Variants in GRIK3 observed in about 807,000 individuals in gnomAD.
GRIK3 encodes the protein glutamate receptor ionotropic, kainate 3.
In GRIK3, 29 loss-of-function variants were observed where a neutral mutation model predicts 102.5. The observed-to-expected ratio is 0.28, with a 90% CI of 0.21 to 0.39. The LOEUF (loss-of-function observed/expected upper bound fraction) is 0.39, where lower values mean the gene tolerates loss of function less well. Among genes scored for constraint, GRIK3 ranks in the 10% least tolerant of loss-of-function variants. The pLI is 1.00. For missense variants in GRIK3, 908 were observed against 1,252.4 expected, an observed-to-expected ratio of 0.73 and a Z score of 4.15; for synonymous variants, 511 against 504.9, an observed-to-expected ratio of 1.01 and a Z score of -0.16.
intron 5 of GRIK3, among the ~76,000 whole-genome samples, chr1:36,861,233 T>C (rs1023121519): frequency 6.6e-6 from 1 of 152,252 alleles, no homozygotes; most frequent in Non-Finnish European, 1.5e-5. Flanking sequence ...TATATTTGCA[T>C]AAGACTCATG....
At chr1:37,026,916 C>T (rs952537321) in intron 1 of GRIK3, among the ~76,000 whole-genome samples, 1 of 151,966 alleles carries the variant, frequency 6.6e-6, no homozygotes, top group African/African-American at 2.4e-5. Flanking sequence ...AAAAAAATCC[C>T]ATCTTAGAAT....
At chr1:36,997,141 C>G (rs1336355436) in intron 1 of GRIK3, among the ~76,000 whole-genome samples, 1 of 152,158 alleles carries the variant, frequency 6.6e-6, no homozygotes, top group Non-Finnish European at 1.5e-5. Flanking sequence ...AGCTCCACCT[C>G]CAAGGACTTA....
intron 1 of GRIK3, among the ~76,000 whole-genome samples, chr1:37,033,158 A>G (rs976462250): frequency 7.2e-5 from 11 of 152,206 alleles, no homozygotes; most frequent in Admixed American, 2.6e-4. Context: ...GCCACAACAA[A>G]GTTAAAGACC....
intron 1 of GRIK3, among the ~76,000 whole-genome samples, chr1:36,903,256 AAAC>A (rs1474504467): frequency 2.0e-5 from 3 of 152,232 alleles, no homozygotes; most frequent in African/African-American, 7.2e-5. Flanking sequence ...ATGTAAATTA[AAAC>A]AACAACAAGA....
intron 1 of GRIK3, among the ~76,000 whole-genome samples, chr1:36,911,021 C>T (rs949834621): frequency 6.6e-6 from 1 of 152,168 alleles, no homozygotes; most frequent in Admixed American, 6.5e-5. Context: ...AGCACCTGAC[C>T]TGCTCGGAGC....
chr1:36,936,158 T>C (rs1641655180), intron 1 of GRIK3, among the ~76,000 whole-genome samples: 1 of 152,180 alleles, frequency 6.6e-6, no homozygotes, highest in Non-Finnish European at 1.5e-5. Flanking sequence ...AAAGTGAGCC[T>C]TGATGGGAGG....
intron 10 of GRIK3, among the ~76,000 whole-genome samples, chr1:36,833,246 G>C (rs1165528908): frequency 6.6e-6 from 1 of 152,142 alleles, no homozygotes; most frequent in Non-Finnish European, 1.5e-5. Flanking sequence ...CAGTTCACCT[G>C]ATCCTGTCCC....
intron 1 of GRIK3, among the ~76,000 whole-genome samples, chr1:36,926,533 G>C (rs1446544569): frequency 1.1e-4 from 16 of 152,106 alleles, no homozygotes; most frequent in Non-Finnish European, 7.3e-5. Flanking sequence ...TGGGACTACA[G>C]GCACACACCA....
Position 36,796,104 on chromosome 1 carries a change from A to G in GRIK3, c.*5747T>C, listed in dbSNP as rs1642362055. 2 of 152,078 alleles carry G rather than the reference A, an allele frequency of 1.3e-5. No homozygotes were observed. Among genetic ancestry groups the G allele is most frequent in the East Asian group, 3.9e-4 (2 of 5,164 alleles). 9.4% of individuals were successfully genotyped at this position (152,078 alleles called of 1,614,324 possible). ...CCAGAGTTCAGTGCAGACCAGCCTG[A>G]CGCCTGAGGCTGAAGCTGGGGCAGG... On this transcript the variant is annotated 3_prime_UTR_variant, in exon 16 of 16. Coordinates refer to ENST00000373091, the MANE Select transcript of GRIK3 (RefSeq NM_000831.4).
At chr1:37,017,923 A>C (rs1642671326) in intron 1 of GRIK3, among the ~76,000 whole-genome samples, 1 of 152,158 alleles carries the variant, frequency 6.6e-6, no homozygotes, top group Non-Finnish European at 1.5e-5. Flanking sequence ...TTGACGTCAC[A>C]GGGCCAAGAG....
intron 10 of GRIK3, among the ~76,000 whole-genome samples, chr1:36,836,175 G>T (rs149856375): frequency 6.6e-6 from 1 of 152,254 alleles, no homozygotes; most frequent in Non-Finnish European, 1.5e-5. Flanking sequence ...ACAAACAAGG[G>T]TATGAGGCTC....
Position 36,935,345 on chromosome 1 carries a change from G to A in GRIK3, c.116-44249C>T, listed in dbSNP as rs142643249. Reference sequence around the variant, plus strand: ...CAATCCTGGGTACCCATATACCCAGGTAGAAGGTCACCATAGACTGTGAAC... The same window carrying A: ...CAATCCTGGGTACCCATATACCCAGATAGAAGGTCACCATAGACTGTGAAC... On this transcript the variant is annotated intron_variant, in intron 1 of 15. Coordinates refer to ENST00000373091, the MANE Select transcript of GRIK3 (RefSeq NM_000831.4). Among the ~76,000 whole-genome samples, 537 of 152,222 alleles carry A rather than the reference G, an allele frequency of 3.5e-3. 4 individuals carry two copies. The highest frequency in any genetic ancestry group is 6.8e-3 in the Middle Eastern group (2 of 294).
intron 1 of GRIK3, among the ~76,000 whole-genome samples, chr1:36,893,764 A>G (rs562632856): frequency 1.3e-5 from 2 of 152,370 alleles, no homozygotes; most frequent in African/African-American, 4.8e-5. Flanking sequence ...ACGTTCAACC[A>G]GAGAAATAGT....
chr1:36,880,579 G>C lies in GRIK3; in HGVS notation c.550+55C>G. On this transcript the variant is annotated intron_variant, in intron 3 of 15. Transcript: ENST00000373091. The surrounding 1 kb of genome is among the most constrained non-coding windows in gnomAD (Gnocchi z 5.4). The stretch of plus-strand genomic sequence containing the variant: ...AACAAACAGACAAGAGCTTGATCCT[G>C]GGCCTCTGCCCCCCTCAACCGTTGC... 6.4e-7 allele frequency: 1 copy of C among 1,554,344 alleles called. No homozygotes were observed. The highest frequency in any genetic ancestry group is 1.4e-5 in the African/African-American group (1 of 73,836).
chr1:36,956,181 C>G (rs1557439678), intron 1 of GRIK3, among the ~76,000 whole-genome samples: 1 of 152,174 alleles, frequency 6.6e-6, no homozygotes, highest in Non-Finnish European at 1.5e-5. Context: ...ACTAAGCCAG[C>G]AAATGGCTGA....
Position 36,880,679 on chromosome 1 carries a change from A to T in GRIK3, c.505T>A (p.Tyr169Asn). The change falls in exon 3 of 16, where the codon TAC (tyrosine) becomes AAC (asparagine). Residue 169 changes from tyrosine to asparagine, a missense_variant. Physicochemically the swap from Tyr to Asn is moderately radical, Grantham distance 143. Around this residue, in one of 3 missense-constraint regions of GRIK3, gnomAD observed 585 missense variants for 824.9 expected, o/e 0.71. Coordinates refer to ENST00000373091, the MANE Select transcript of GRIK3 (RefSeq NM_000831.4). The surrounding 1 kb of genome is among the most constrained non-coding windows in gnomAD (Gnocchi z 5.4). Reference sequence around the variant, plus strand: ...ACGGTGGCTGACCGCCACTTGAGGTACTGGACCAGGTCGAGGATGGCATGG... The same window carrying T: ...ACGGTGGCTGACCGCCACTTGAGGTTCTGGACCAGGTCGAGGATGGCATGG... ...LSHAILDLVQ[Y>N]LKWRSATVVY... 6.2e-7 allele frequency: 1 copy of T among 1,614,102 alleles called. No homozygotes were observed. Among genetic ancestry groups the T allele is most frequent in the Non-Finnish European group, 8.5e-7 (1 of 1,179,942 alleles).
Position 36,908,502 on chromosome 1 carries a change from C to T in GRIK3, c.116-17406G>A, listed in dbSNP as rs538266054. On this transcript the variant is annotated intron_variant, in intron 1 of 15. Transcript: ENST00000373091. ...CCATGCAAGAAGGGCTGCTTTGGGT[C>T]TCAGCTTCTGGAGAGAGTTCCCTGC... Among the ~76,000 whole-genome samples, 4 of 152,320 alleles carry T rather than the reference C, an allele frequency of 2.6e-5. No individual in the cohort carries two copies. The East Asian group carries it at 7.7e-4, about 29-fold the overall frequency.
chr1:36,919,505 T>C (rs1003394528), intron 1 of GRIK3, among the ~76,000 whole-genome samples: 27 of 152,110 alleles, frequency 1.8e-4, no homozygotes, highest in African/African-American at 6.3e-4. Flanking sequence ...GCACCTGACA[T>C]GCAGAGGGAG....
At chr1:36,911,707 G>A (rs1387270079) in intron 1 of GRIK3, among the ~76,000 whole-genome samples, 1 of 152,112 alleles carries the variant, frequency 6.6e-6, no homozygotes, top group African/African-American at 2.4e-5. Flanking sequence ...GAGGATGGCT[G>A]GAGGCTCTTG....
Sources: gnomAD v4.1 joint callset for allele counts (sites outside exome capture counted in the v4.1 genomes callset) on GRCh38, gnomAD v4.1.1 for gene constraint, gnomAD v4.1.1 regional missense constraint, Gnocchi (gnomAD v3.1) non-coding constraint, MANE v1.5 for transcripts, NCBI Gene and HGNC (gene_info 2026-07-23, HGNC 2026-07-21) for gene names.